Variants in PTPRE observed in about 807,000 individuals in gnomAD.
PTPRE encodes the protein receptor-type tyrosine-protein phosphatase epsilon.
PTPRE carries 51 observed loss-of-function variants against 102.0 expected under a neutral mutation model. The ratio of observed to expected loss-of-function variants is 0.50; its 90% confidence interval spans 0.40 to 0.63. The LOEUF is 0.63. Ranked by LOEUF, PTPRE falls within the 30% of genes least tolerant of loss-of-function variation. PTPRE has a pLI of 0.00. For synonymous variants in PTPRE, 345 were observed against 348.2 expected (o/e 0.99, Z 0.10); for missense variants, 752 against 915.1 (o/e 0.82, Z 2.30).
At chr10:127,972,793 G>A (rs1014592863) in intron 1 of PTPRE, among the ~76,000 whole-genome samples, 1 of 152,214 alleles carries the variant, frequency 6.6e-6, no homozygotes, top group Non-Finnish European at 1.5e-5. Context: ...GGAGAGACCA[G>A]TAGCCATGCA....
chr10:128,013,231 C>G (rs906328435), intron 2 of PTPRE, among the ~76,000 whole-genome samples: 2 of 152,100 alleles, frequency 1.3e-5, no homozygotes, highest in African/African-American at 4.8e-5. Context: ...GTAGCCTTAC[C>G]AAATGGAAAC....
chr10:127,938,633 T>C (rs1398783857), intron 1 of PTPRE, among the ~76,000 whole-genome samples: 1 of 152,222 alleles, frequency 6.6e-6, no homozygotes, highest in East Asian at 1.9e-4. Flanking sequence ...ATTTTTAGAA[T>C]TGATATTACT....
At chr10:128,007,773 C>G (rs1844617118) in intron 2 of PTPRE, among the ~76,000 whole-genome samples, 1 of 152,186 alleles carries the variant, frequency 6.6e-6, no homozygotes, top group Admixed American at 6.5e-5. Flanking sequence ...CTTGTACTGT[C>G]TCAGAGAGCT....
At chr10:127,949,881 A>T (rs1848893449) in intron 1 of PTPRE, among the ~76,000 whole-genome samples, 1 of 152,108 alleles carries the variant, frequency 6.6e-6, no homozygotes, top group African/African-American at 2.4e-5. Context: ...TGAGCTCAGA[A>T]ATTCTGATGA....
In PTPRE at chr10:128,083,647, A is replaced by C. The variant is rs193068242; in HGVS notation, c.*741A>C. 4 of 152,332 alleles carry C rather than the reference A, an allele frequency of 2.6e-5. No individual in the cohort carries two copies. The highest frequency in any genetic ancestry group is 3.4e-3 in the Middle Eastern group (1 of 296). The allele number at this position is 152,332 out of a possible 1,614,324, so 9.4% of individuals were successfully genotyped here. On this transcript the variant is annotated 3_prime_UTR_variant, in exon 21 of 21. Transcript: ENST00000254667. ...AAACCAGCCATCGGAGTTACACCCC[A>C]AAGCACCATTTGCTGTCCAGCTGCC...
chr10:127,952,811 GTTTA>G (rs1849132985), intron 1 of PTPRE, among the ~76,000 whole-genome samples: 2 of 152,182 alleles, frequency 1.3e-5, no homozygotes, highest in African/African-American at 4.8e-5. Flanking sequence ...GGTTGGGTAA[GTTTA>G]TTTCTCACAA....
At chr10:128,054,138 A>C (rs552684161) in intron 6 of PTPRE, among the ~76,000 whole-genome samples, 1 of 152,140 alleles carries the variant, frequency 6.6e-6, no homozygotes, top group Non-Finnish European at 1.5e-5. Context: ...CAGAGTTCCC[A>C]TATGCCCCCT....
chr10:127,942,031 T>TA (rs1270273795), intron 1 of PTPRE, among the ~76,000 whole-genome samples: 4 of 141,056 alleles, frequency 2.8e-5, no homozygotes, highest in Admixed American at 7.4e-5. Context: ...AATGTCTTTT[T>TA]ATCTCATAGA....
Position 128,047,749 on chromosome 10 carries a change from TC to T in PTPRE, c.210-13del, listed in dbSNP as rs1419322277. The T allele has an allele frequency of 1.9e-6, 3 of 1,611,674 alleles. No individual in the cohort carries two copies. In the Admixed American group the frequency reaches 5.0e-5, roughly 27 times the overall value. On this transcript the variant is annotated splice_polypyrimidine_tract_variant and intron_variant, in intron 4 of 20. Coordinates refer to ENST00000254667, the MANE Select transcript of PTPRE (RefSeq NM_006504.6). ...CCTAGAAGTGTGGAAACCTAACGCA[TC>T]CTGTGTCTCTAAGGTTCAGGAAGCA...
intron 1 of PTPRE, among the ~76,000 whole-genome samples, chr10:127,937,816 A>G (rs1260675759): frequency 6.6e-6 from 1 of 152,160 alleles, no homozygotes. Context: ...CTGAGATCAC[A>G]CCACTGCCCT....
intron 16 of PTPRE, 93 bp downstream of exon 16, chr10:128,072,307 A>C: frequency 1.7e-6 from 2 of 1,160,478 alleles, no homozygotes; most frequent in South Asian, 3.0e-5. Context: ...ATGAGAAAGA[A>C]TTGACATGTT....
chr10:127,926,217 CAG>C (rs2135207832), intron 1 of PTPRE, among the ~76,000 whole-genome samples: 1 of 152,274 alleles, frequency 6.6e-6, no homozygotes, highest in South Asian at 2.1e-4. Context: ...GCCTCTCATG[CAG>C]AATGAAAAAA....
intron 1 of PTPRE, among the ~76,000 whole-genome samples, chr10:127,930,761 C>T (rs552637120): frequency 2.0e-5 from 3 of 151,660 alleles, no homozygotes; most frequent in African/African-American, 7.3e-5. Flanking sequence ...CCAACATTTG[C>T]TATTGCCAGT....
intron 10 of PTPRE, among the ~76,000 whole-genome samples, chr10:128,063,698 A>G (rs1011985347): frequency 2.6e-5 from 4 of 152,274 alleles, no homozygotes; most frequent in African/African-American, 9.6e-5. Flanking sequence ...TTGACAAAGA[A>G]GAAAAGTTGA....
chr10:128,010,408 C>T (rs1363535743), intron 2 of PTPRE, among the ~76,000 whole-genome samples: 2 of 152,062 alleles, frequency 1.3e-5, no homozygotes, highest in Non-Finnish European at 2.9e-5. Flanking sequence ...CTCCCTTTGC[C>T]GGGGCACAGA....
At chr10:127,961,683 T>C (rs751644354) in intron 1 of PTPRE, among the ~76,000 whole-genome samples, 9 of 152,190 alleles carry the variant, frequency 5.9e-5, no homozygotes, top group Admixed American at 2.0e-4. Context: ...TCCTTTACTG[T>C]GTGACTCTCC....
chr10:128,011,420 C>G (rs956294924), intron 2 of PTPRE, among the ~76,000 whole-genome samples: 5 of 152,172 alleles, frequency 3.3e-5, no homozygotes, highest in African/African-American at 4.8e-5. Context: ...TGGGGGACCC[C>G]GGAGGAGGCG....
At chr10:128,027,384 T>G (rs1243352905) in intron 2 of PTPRE, among the ~76,000 whole-genome samples, 1 of 152,132 alleles carries the variant, frequency 6.6e-6, no homozygotes, top group Non-Finnish European at 1.5e-5. Context: ...CACCCCAGAA[T>G]TCAGCCCCTA....
intron 2 of PTPRE, among the ~76,000 whole-genome samples, chr10:128,024,111 G>C (rs935205061): frequency 6.6e-6 from 1 of 152,200 alleles, no homozygotes; most frequent in Non-Finnish European, 1.5e-5. Context: ...GATTAGGTAA[G>C]GAAACCTTTG....
Sources: gnomAD v4.1 joint callset for allele counts (sites outside exome capture counted in the v4.1 genomes callset) on GRCh38, gnomAD v4.1.1 for gene constraint, MANE v1.5 for transcripts, NCBI Gene and HGNC (gene_info 2026-07-23, HGNC 2026-07-21) for gene names.